RCBTB2: variants seen among roughly 807,000 people sequenced by gnomAD.
RCBTB2 encodes RCC1 and BTB domain-containing protein 2.
A neutral mutation model predicts 65.4 loss-of-function variants in RCBTB2; 55 were observed. That is an observed-to-expected ratio of 0.84 (90% CI 0.68 to 1.05). RCBTB2 has a LOEUF of 1.05. Ranked by LOEUF, RCBTB2 falls within the 50% of genes least tolerant of loss-of-function variation. The pLI, the probability that RCBTB2 is intolerant of heterozygous loss-of-function variation, is 0.00. For synonymous variants in RCBTB2, 220 were observed against 255.2 expected (o/e 0.86, Z 1.31); for missense variants, 599 against 680.1 (o/e 0.88, Z 1.33).
intron 12 of RCBTB2, among the ~76,000 whole-genome samples, chr13:48,501,285 G>A (rs1481052939): frequency 6.6e-6 from 1 of 152,200 alleles, no homozygotes; most frequent in Non-Finnish European, 1.5e-5. Flanking sequence ...TAAAATCTCT[G>A]TGCTAGCCTC....
In RCBTB2 at chr13:48,501,866, G is replaced by A. The variant is rs752843934; in HGVS notation, c.1120C>T (p.Pro374Ser). The A allele has an allele frequency of 1.2e-6, 2 of 1,613,168 alleles. No homozygotes were observed. The highest frequency in any genetic ancestry group is 1.1e-5 in the South Asian group (1 of 90,852). ...AVTWRLLSVE[P>S]DDHLTVAESL... Reference sequence around the variant, plus strand: ...TCAGCCACTGTGAGGTGGTCATCAGGTTCTAGGAGAATAATGCAAATGCTT... The same window carrying A: ...TCAGCCACTGTGAGGTGGTCATCAGATTCTAGGAGAATAATGCAAATGCTT... The change falls in exon 12 of 15, where the codon CCT becomes TCT. Residue 374 changes from proline (P) to serine (S), a missense_variant and splice_region_variant. Coordinates refer to ENST00000344532, the MANE Select transcript of RCBTB2 (RefSeq NM_001268.4).
chr13:48,511,122 A>C (rs1407333245), intron 9 of RCBTB2, among the ~76,000 whole-genome samples: 7 of 152,160 alleles, frequency 4.6e-5, no homozygotes, highest in African/African-American at 1.4e-4. Flanking sequence ...AATATAGAAA[A>C]ATATAAATAT....
intron 4 of RCBTB2, among the ~76,000 whole-genome samples, chr13:48,520,195 A>G (rs1226701105): frequency 1.3e-5 from 2 of 152,218 alleles, no homozygotes; most frequent in Admixed American, 6.5e-5. Flanking sequence ...TCTTCTGTCC[A>G]GCACACTCAT....
rs1054269608 is a variant in RCBTB2, at chr13:48,530,109, G to A, written c.-219+2919C>T. 1.6e-4 allele frequency among the ~76,000 whole-genome samples: 25 copies of A among 151,596 alleles called. No individual in the cohort carries two copies. In the East Asian group the frequency reaches 4.8e-3, roughly 29 times the overall value. On this transcript the variant is annotated intron_variant, in intron 1 of 14. Transcript: ENST00000344532. Reference sequence around the variant, plus strand: ...AGACAGAGTTTTGCCATGTTGTCCCGGCTGGTCTCTAACTCCTGGGCTCAA... The same window carrying A: ...AGACAGAGTTTTGCCATGTTGTCCCAGCTGGTCTCTAACTCCTGGGCTCAA...
intron 1 of RCBTB2, among the ~76,000 whole-genome samples, chr13:48,530,427 C>T (rs575865264): frequency 5.7e-4 from 87 of 152,200 alleles, no homozygotes; most frequent in Non-Finnish European, 1.0e-3. Context: ...GGGAAACACA[C>T]TTTACTTTCT....
chr13:48,504,704 A>G (rs1950405139), intron 10 of RCBTB2, among the ~76,000 whole-genome samples: 1 of 152,226 alleles, frequency 6.6e-6, no homozygotes, highest in Non-Finnish European at 1.5e-5. Flanking sequence ...TCTATGGGTC[A>G]CTTTACTGAC....
intron 1 of RCBTB2, among the ~76,000 whole-genome samples, chr13:48,530,882 C>G (rs975128612): frequency 6.6e-6 from 1 of 152,136 alleles, no homozygotes; most frequent in Non-Finnish European, 1.5e-5. Context: ...AAGGGTCATG[C>G]CGTGGGCTCC....
rs973724998 is a variant in RCBTB2 at position 48,522,985 on chromosome 13, T to C, written c.-119-582A>G. Among the ~76,000 whole-genome samples, 18 of 152,336 alleles carry C rather than the reference T, an allele frequency of 1.2e-4. No homozygotes were observed. The South Asian group carries it at 2.9e-3, about 25-fold the overall frequency. ...AAAAGATCTCTCAGAATACGAGAAA[T>C]CATAATTTATTCAGAATTATTATAA... On this transcript the variant is annotated intron_variant, in intron 2 of 14. Transcript: ENST00000344532.
intron 10 of RCBTB2, among the ~76,000 whole-genome samples, chr13:48,503,688 A>G (rs886655759): frequency 6.6e-6 from 1 of 152,230 alleles, no homozygotes; most frequent in African/African-American, 2.4e-5. Flanking sequence ...AGCTGGGACT[A>G]CAGGTGCAAG....
chr13:48,524,734 T>C lies in RCBTB2; in HGVS notation c.-195A>G, dbSNP rs537959608. On this transcript the variant is annotated 5_prime_UTR_variant, in exon 2 of 15. Transcript: ENST00000344532. ...TTCCTTTTAGATCCTTGTAAAGTTG[T>C]CTTCTAGAGCAAAGTTAATGTGACT... 6.6e-6 allele frequency: 1 copy of C among 152,306 alleles called. No individual in the cohort carries two copies. Among genetic ancestry groups the C allele is most frequent in the East Asian group, 1.9e-4 (1 of 5,192 alleles). 9.4% of individuals were successfully genotyped at this position (152,306 alleles called of 1,614,324 possible). A position where few individuals can be genotyped will look rare whatever the true frequency, so the allele number is the denominator to read the frequency against.
At chr13:48,518,480 T>A (rs571767297) in intron 4 of RCBTB2, among the ~76,000 whole-genome samples, 21 of 141,572 alleles carry the variant, frequency 1.5e-4, no homozygotes, top group African/African-American at 5.2e-4. Flanking sequence ...AAAATATATA[T>A]ATATATATAT....
intron 12 of RCBTB2, among the ~76,000 whole-genome samples, chr13:48,500,203 A>G (rs1950170401): frequency 6.6e-6 from 1 of 152,226 alleles, no homozygotes. Flanking sequence ...TAAAGAGGTA[A>G]TCAAGTTATA....
In RCBTB2 at chr13:48,518,330, T is replaced by A. The variant is rs186657143; in HGVS notation, c.43-2589A>T. Among the ~76,000 whole-genome samples, 3 of 152,040 alleles carry A rather than the reference T, an allele frequency of 2.0e-5. No homozygotes were observed. In the East Asian group the frequency reaches 5.8e-4, roughly 29 times the overall value. The stretch of plus-strand genomic sequence containing the variant: ...CATGTTCCCTCACGTGCCACTTGGA[T>A]CATAAGACCTTGCCCTAAAAAGGAC... On this transcript the variant is annotated intron_variant, in intron 4 of 14. Coordinates refer to ENST00000344532, the MANE Select transcript of RCBTB2 (RefSeq NM_001268.4).
chr13:48,499,502 C>T (rs990550802), intron 13 of RCBTB2, 119 bp downstream of exon 13: 3 of 1,049,630 alleles, frequency 2.9e-6, no homozygotes, highest in South Asian at 1.5e-5. Flanking sequence ...GGATTCAACA[C>T]ACACAAAAAG....
chr13:48,509,844 A>C (rs1376240638), intron 10 of RCBTB2, among the ~76,000 whole-genome samples: 1 of 152,196 alleles, frequency 6.6e-6, no homozygotes, highest in Admixed American at 6.5e-5. Flanking sequence ...GTTTGTCTAC[A>C]TATTTCTTTT....
upstream of RCBTB2, among the ~76,000 whole-genome samples, chr13:48,534,957 G>A (rs1952342476): frequency 6.6e-6 from 1 of 152,186 alleles, no homozygotes; most frequent in South Asian, 2.1e-4. Flanking sequence ...AGCTGTGCAT[G>A]CTCTTATTTA....
chr13:48,534,494 AC>A (rs1280297682), upstream of RCBTB2, among the ~76,000 whole-genome samples: 1 of 152,222 alleles, frequency 6.6e-6, no homozygotes, highest in African/African-American at 2.4e-5. Flanking sequence ...TGCCTTGCGC[AC>A]TTGGTCTTTT....
At chr13:48,493,137 A>C (rs1394448825) in intron 14 of RCBTB2, among the ~76,000 whole-genome samples, 1 of 151,116 alleles carries the variant, frequency 6.6e-6, no homozygotes, top group Non-Finnish European at 1.5e-5. Context: ...CAAAATCTTA[A>C]CCACTTTTTA....
chr13:48,532,811 G>C (rs985345217), intron 1 of RCBTB2: 12 of 336,232 alleles, frequency 3.6e-5, no homozygotes, highest in South Asian at 2.1e-4. Context: ...CCGGAACCTA[G>C]CTCTTAACTC....
Sources: gnomAD v4.1 joint callset for allele counts (sites outside exome capture counted in the v4.1 genomes callset) on GRCh38, gnomAD v4.1.1 for gene constraint, MANE v1.5 for transcripts, NCBI Gene and HGNC (gene_info 2026-07-23, HGNC 2026-07-21) for gene names.